ROBO1: variants seen among roughly 807,000 people sequenced by gnomAD.
The protein encoded by ROBO1 is roundabout homolog 1.
Under a neutral mutation model 195.9 loss-of-function variants are expected in ROBO1, and 149 were observed. The ratio of observed to expected loss-of-function variants is 0.76; its 90% confidence interval spans 0.67 to 0.87. The LOEUF is 0.87. Ranked by LOEUF, ROBO1 falls within the 40% of genes least tolerant of loss-of-function variation. The pLI, the probability that ROBO1 is intolerant of heterozygous loss-of-function variation, is 0.00. For missense variants in ROBO1, 1,933 were observed against 2,068.3 expected (o/e 0.93, Z 1.27); for synonymous variants, 816 against 733.2 (o/e 1.11, Z -1.82).
chr3:78,673,593 TATATATATATATAC>T (rs1328709942), intron 10 of ROBO1, among the ~76,000 whole-genome samples: 3,674 of 62,798 alleles, frequency 0.059, 147 homozygotes, highest in East Asian at 0.28. Context: ...TATATATATA[TATATATATATATAC>T]ACACATATAT....
intron 3 of ROBO1, among the ~76,000 whole-genome samples, chr3:79,046,399 C>T (rs1347489533): frequency 6.6e-6 from 1 of 152,056 alleles, no homozygotes; most frequent in Non-Finnish European, 1.5e-5. Context: ...GTTAAAGGCA[C>T]CCAGCTAAGC....
At position 78,870,015 on chromosome 3, in the gene ROBO1, C is replaced by A. The variant is rs568247461; in HGVS notation, c.499+68586G>T. Among the ~76,000 whole-genome samples the A allele has an allele frequency of 2.6e-5, 4 of 152,246 alleles. No homozygotes were observed. In the South Asian group the frequency reaches 6.2e-4, roughly 24 times the overall value. ...GTTTTCAAAGAACCACCACACCTGG[C>A]CTTTCTATAGCTTTTGGAAATAAGT... On this transcript the variant is annotated intron_variant, in intron 4 of 30. Transcript: ENST00000464233.
chr3:79,040,904 G>A (rs573083842), intron 3 of ROBO1, among the ~76,000 whole-genome samples: 5 of 152,164 alleles, frequency 3.3e-5, no homozygotes, highest in Admixed American at 6.5e-5. Context: ...TAGCCCAAAA[G>A]GCTATGACTC....
At chr3:79,468,066 T>C (rs1938066960) in intron 2 of ROBO1, among the ~76,000 whole-genome samples, 1 of 152,184 alleles carries the variant, frequency 6.6e-6, no homozygotes, top group Non-Finnish European at 1.5e-5. Flanking sequence ...CTGGACTAGT[T>C]TACTACTTCT....
intron 20 of ROBO1, among the ~76,000 whole-genome samples, chr3:78,646,469 G>A (rs1706300309): frequency 6.6e-6 from 1 of 150,790 alleles, no homozygotes; most frequent in South Asian, 2.1e-4. Context: ...GGAGAATCAA[G>A]AAAAAGCAAA....
chr3:79,232,868 C>T (rs1366102755), intron 2 of ROBO1, among the ~76,000 whole-genome samples: 2 of 151,950 alleles, frequency 1.3e-5, no homozygotes, highest in African/African-American at 4.8e-5. Context: ...ATGAGGAATA[C>T]ATGAAGAAGC....
intron 2 of ROBO1, among the ~76,000 whole-genome samples, chr3:79,202,115 C>T (rs1183118510): frequency 6.6e-6 from 1 of 151,914 alleles, no homozygotes; most frequent in South Asian, 2.1e-4. Context: ...CGTAGAATGC[C>T]ATATTATTTT....
chr3:79,311,679 G>A (rs1485688968), intron 2 of ROBO1, among the ~76,000 whole-genome samples: 41 of 151,984 alleles, frequency 2.7e-4, no homozygotes, highest in Non-Finnish European at 2.9e-5. Flanking sequence ...CCAGAGATGT[G>A]GCCTCCAGTA....
At chr3:79,101,652 G>C (rs2079678594) in intron 3 of ROBO1, among the ~76,000 whole-genome samples, 1 of 151,832 alleles carries the variant, frequency 6.6e-6, no homozygotes, top group African/African-American at 2.4e-5. Flanking sequence ...GAACCTGAAA[G>C]GAGAGAAATA....
In ROBO1 at chr3:78,690,103, C is replaced by A. The variant is rs1454806873; in HGVS notation, c.1046-1331G>T. On this transcript the variant is annotated intron_variant, in intron 8 of 30. Coordinates refer to ENST00000464233, the MANE Select transcript of ROBO1 (RefSeq NM_002941.4). ...AATCTGGGTATTTGAATTTATAGGC[C>A]ATAAAGAAATATTAAAAGCTACTTA... is the stretch of plus-strand genomic sequence containing the variant. 2.7e-5 allele frequency among the ~76,000 whole-genome samples: 4 copies of A among 147,940 alleles called. No homozygotes were observed. The East Asian group carries it at 5.9e-4, about 22-fold the overall frequency.
intron 4 of ROBO1, among the ~76,000 whole-genome samples, chr3:78,879,839 A>G (rs1396003123): frequency 1.3e-5 from 2 of 152,160 alleles, no homozygotes; most frequent in African/African-American, 2.4e-5. Flanking sequence ...TTAGGTTTAA[A>G]TAAGTTCAAA....
At chr3:79,067,011 C>G (rs1480958447) in intron 3 of ROBO1, among the ~76,000 whole-genome samples, 1 of 151,834 alleles carries the variant, frequency 6.6e-6, no homozygotes, top group Non-Finnish European at 1.5e-5. Flanking sequence ...TAAAAGGCTT[C>G]TAGAGCTGAC....
chr3:79,710,372 C>T (rs916648033), intron 1 of ROBO1, among the ~76,000 whole-genome samples: 1 of 120,106 alleles, frequency 8.3e-6, no homozygotes, highest in African/African-American at 3.3e-5. Context: ...AAATTAAGGA[C>T]CTGTCACACA....
At chr3:78,993,621 G>A (rs985461685) in intron 3 of ROBO1, among the ~76,000 whole-genome samples, 11 of 152,100 alleles carry the variant, frequency 7.2e-5, no homozygotes, top group African/African-American at 9.7e-5. Context: ...ACTAGACCTC[G>A]TCATCTCACC....
At chr3:79,545,088 G>T (rs1468074915) in intron 2 of ROBO1, among the ~76,000 whole-genome samples, 4 of 151,764 alleles carry the variant, frequency 2.6e-5, no homozygotes, top group Non-Finnish European at 5.9e-5. Context: ...GTAAAAAATG[G>T]ATAGAATTAA....
In ROBO1 at chr3:79,655,022, A is replaced by C. The variant is rs150426776; in HGVS notation, c.-50-65061T>G. Among the ~76,000 whole-genome samples the C allele has an allele frequency of 2.3e-4, 35 of 152,148 alleles. 1 individual carries two copies. The East Asian group carries it at 3.1e-3, about 13-fold the overall frequency. On this transcript the variant is annotated intron_variant, in intron 1 of 30. Coordinates refer to ENST00000464233, the MANE Select transcript of ROBO1 (RefSeq NM_002941.4). ...TTTAGCTTGTTAGGAAATCTACAGA[A>C]GTCACGTTAATAGCACACTGCTTTA...
chr3:78,872,773 A>G (rs910454368), intron 4 of ROBO1, among the ~76,000 whole-genome samples: 2 of 152,124 alleles, frequency 1.3e-5, no homozygotes, highest in Non-Finnish European at 2.9e-5. Flanking sequence ...TTGTCCTTCC[A>G]AGGTTTTATT....
intron 8 of ROBO1, chr3:78,693,414 G>T: frequency 8.0e-7 from 1 of 1,255,826 alleles, no homozygotes; most frequent in South Asian, 1.3e-5. Flanking sequence ...AACATAAAAT[G>T]AAACAGAAAA....
At position 78,680,103 on chromosome 3, in the gene ROBO1, C is replaced by T. The variant is rs531662497; in HGVS notation, c.1342+5643G>A. Among the ~76,000 whole-genome samples the T allele has an allele frequency of 5.8e-3, 879 of 152,174 alleles. 4 individuals carry two copies. Among genetic ancestry groups the T allele is most frequent in the Middle Eastern group, 0.024 (7 of 294 alleles). ...GGGAAAGGATTCCCTATTTAATAAA[C>T]GGTGCTGGGAAAACTGGCTAGTCAT... On this transcript the variant is annotated intron_variant, in intron 10 of 30. Coordinates refer to ENST00000464233, the MANE Select transcript of ROBO1 (RefSeq NM_002941.4).
Sources: gnomAD v4.1 joint callset for allele counts (sites outside exome capture counted in the v4.1 genomes callset) on GRCh38, gnomAD v4.1.1 for gene constraint, MANE v1.5 for transcripts, NCBI Gene and HGNC (gene_info 2026-07-23, HGNC 2026-07-21) for gene names.